DAPK1: variants seen among roughly 807,000 people sequenced by gnomAD.
DAPK1 encodes the protein death associated protein kinase 1, also known as death-associated protein kinase 1.
DAPK1 carries 56 observed loss-of-function variants against 144.9 expected under a neutral mutation model. The ratio of observed to expected loss-of-function variants is 0.39; its 90% CI spans 0.31 to 0.48. The LOEUF (loss-of-function observed/expected upper bound fraction) is 0.48. Among genes scored for constraint, DAPK1 ranks in the 20% least tolerant of loss-of-function variants. The pLI is 0.95. For synonymous variants in DAPK1, 690 were observed against 749.0 expected (o/e 0.92, Z 1.29); for missense variants, 1,454 against 1,875.4 (o/e 0.78, Z 4.15).
At chr9:87,595,681 G>A (rs187661667) in intron 2 of DAPK1, among the ~76,000 whole-genome samples, 56 of 152,334 alleles carry the variant, frequency 3.7e-4, no homozygotes, top group African/African-American at 1.3e-3. Flanking sequence ...CAGTCTTCCA[G>A]GAGACCTTGT....
At chr9:87,698,068 A>G (rs779875839) in intron 22 of DAPK1, among the ~76,000 whole-genome samples, 16 of 152,250 alleles carry the variant, frequency 1.1e-4, no homozygotes, top group Non-Finnish European at 2.1e-4. Flanking sequence ...TTTGCCCACA[A>G]CAAGAGAAGC....
At position 87,614,509 on chromosome 9, in the gene DAPK1, C is replaced by T. The variant is rs565131803; in HGVS notation, c.284+9334C>T. On this transcript the variant is annotated intron_variant, in intron 3 of 25. Coordinates refer to ENST00000408954, the MANE Select transcript of DAPK1 (RefSeq NM_004938.4). ...CCAGGGACTAGACTCTTCTGCATCA[C>T]TCTCTGGGGTGGTGCAGGTCCTGCA... 2.0e-5 allele frequency among the ~76,000 whole-genome samples: 3 copies of T among 152,314 alleles called. No individual in the cohort carries two copies. The East Asian group carries it at 5.8e-4, about 29-fold the overall frequency.
At position 87,669,504 on chromosome 9, in the gene DAPK1, A is replaced by T. The variant is rs188190313; in HGVS notation, c.2001+830A>T. On this transcript the variant is annotated intron_variant, in intron 19 of 25. Coordinates refer to ENST00000408954, the MANE Select transcript of DAPK1 (RefSeq NM_004938.4). Reference sequence around the variant, plus strand: ...TTTAAACATTAGTGTATTTTAAAAAATTTAATTACTGTATTTTTTTTAAAA... The same window carrying T: ...TTTAAACATTAGTGTATTTTAAAAATTTTAATTACTGTATTTTTTTTAAAA... Among the ~76,000 whole-genome samples, 405 of 152,196 alleles carry T rather than the reference A, an allele frequency of 2.7e-3. 1 individual carries two copies. Among genetic ancestry groups the T allele is most frequent in the African/African-American group, 9.3e-3 (384 of 41,492 alleles).
intron 2 of DAPK1, among the ~76,000 whole-genome samples, chr9:87,553,244 G>C (rs1587711865): frequency 2.2e-5 from 2 of 90,922 alleles, no homozygotes; most frequent in Admixed American, 2.0e-4. Flanking sequence ...TCTGTCATGT[G>C]GGGGGGGTTG....
chr9:87,681,657 C>T (rs1297110935), intron 20 of DAPK1, 31 bp downstream of exon 20: 2 of 1,155,936 alleles, frequency 1.7e-6, no homozygotes, highest in African/African-American at 1.5e-5. Context: ...CCCGTCTCTC[C>T]AGCAGGTGTT....
intron 2 of DAPK1, among the ~76,000 whole-genome samples, chr9:87,559,773 C>T (rs1026913034): frequency 1.3e-5 from 2 of 152,096 alleles, no homozygotes; most frequent in Non-Finnish European, 2.9e-5. Context: ...CTACAATAGT[C>T]CCGGGTGTTG....
chr9:87,707,475 C>T lies in DAPK1; in HGVS notation c.*111C>T. 1.4e-6 allele frequency: 1 copy of T among 698,054 alleles called. No homozygotes were observed. The highest frequency in any genetic ancestry group is 1.9e-5 in the South Asian group (1 of 52,678). The allele number at this position is 698,054 out of a possible 1,614,324, so 43.2% of individuals were successfully genotyped here. On this transcript the variant is annotated 3_prime_UTR_variant, in exon 26 of 26. Transcript: ENST00000408954. The surrounding 1 kb of genome is among the most constrained non-coding windows in gnomAD (Gnocchi z 4.0). ...GGGTGTTTCTTCCTGCACCCACAGC[C>T]AGGGGGATGCCACTCCTCCCTCCGG... is the stretch of plus-strand genomic sequence containing the variant.
intron 2 of DAPK1, among the ~76,000 whole-genome samples, chr9:87,590,858 G>A (rs1035583044): frequency 7.2e-5 from 11 of 152,104 alleles, no homozygotes; most frequent in Non-Finnish European, 4.4e-5. Flanking sequence ...CGAAGTGCTG[G>A]GATTACAGGC....
At chr9:87,525,765 G>A (rs2118295604) in intron 2 of DAPK1, among the ~76,000 whole-genome samples, 1 of 152,134 alleles carries the variant, frequency 6.6e-6, no homozygotes, top group South Asian at 2.1e-4. Context: ...CCCAGCATGG[G>A]GCAGGTGCTG....
intron 17 of DAPK1, 34 bp from the exon 18 acceptor site, chr9:87,657,995 A>C (rs1228507245): frequency 1.2e-6 from 1 of 823,034 alleles, no homozygotes; most frequent in Non-Finnish European, 2.1e-6. Flanking sequence ...CTGCGTGAGA[A>C]GAACGACCTT....
At chr9:87,574,501 C>T (rs1293757898) in intron 2 of DAPK1, among the ~76,000 whole-genome samples, 1 of 152,156 alleles carries the variant, frequency 6.6e-6, no homozygotes, top group Non-Finnish European at 1.5e-5. Context: ...AATCGTTCCT[C>T]CAAGAGGAGG....
intron 18 of DAPK1, among the ~76,000 whole-genome samples, chr9:87,659,953 C>T (rs1364663057): frequency 1.3e-5 from 2 of 152,154 alleles, no homozygotes; most frequent in Non-Finnish European, 2.9e-5. Flanking sequence ...GAGTCATAGC[C>T]GTCAATTACA....
At chr9:87,661,860 C>G (rs1830859831) in intron 18 of DAPK1, among the ~76,000 whole-genome samples, 1 of 152,124 alleles carries the variant, frequency 6.6e-6, no homozygotes, top group African/African-American at 2.4e-5. Flanking sequence ...TAGTTATGTT[C>G]CGTATGCTTT....
At chr9:87,543,185 G>A (rs1268413982) in intron 2 of DAPK1, among the ~76,000 whole-genome samples, 1 of 152,176 alleles carries the variant, frequency 6.6e-6, no homozygotes, top group Non-Finnish European at 1.5e-5. Flanking sequence ...GTAATTCTTG[G>A]TCGGGGCTGT....
At chr9:87,523,813 C>G (rs1393671330) in intron 2 of DAPK1, among the ~76,000 whole-genome samples, 1 of 152,078 alleles carries the variant, frequency 6.6e-6, no homozygotes, top group Non-Finnish European at 1.5e-5. Flanking sequence ...GGGAGATTTC[C>G]TGCACTGTTG....
chr9:87,595,622 G>A (rs973413435), intron 2 of DAPK1, among the ~76,000 whole-genome samples: 7 of 152,196 alleles, frequency 4.6e-5, no homozygotes, highest in African/African-American at 1.4e-4. Flanking sequence ...CGTGGAGCCC[G>A]ACCCACGCTG....
At chr9:87,689,470 C>G (rs1308690572) in intron 21 of DAPK1, among the ~76,000 whole-genome samples, 1 of 152,128 alleles carries the variant, frequency 6.6e-6, no homozygotes, top group Non-Finnish European at 1.5e-5. Flanking sequence ...CAAATTGTCT[C>G]TTCACTCTGT....
chr9:87,676,139 T>C (rs1824370052), intron 19 of DAPK1, among the ~76,000 whole-genome samples: 1 of 152,138 alleles, frequency 6.6e-6, no homozygotes, highest in South Asian at 2.1e-4. Context: ...TCCTCTCCCC[T>C]AGAGGTGTTG....
chr9:87,681,663 G>A (rs958641118), intron 20 of DAPK1, 37 bp downstream of exon 20: 2 of 1,091,724 alleles, frequency 1.8e-6, no homozygotes, highest in African/African-American at 1.5e-5. Flanking sequence ...TCTCCAGCAG[G>A]TGTTGGCTTC....
Sources: allele counts gnomAD v4.1 joint callset (sites outside exome capture counted in the v4.1 genomes callset), GRCh38; gene constraint gnomAD v4.1.1; non-coding constraint Gnocchi (gnomAD v3.1); transcripts MANE v1.5; gene names NCBI Gene and HGNC (gene_info 2026-07-23, HGNC 2026-07-21).